BSPH1: variants seen among roughly 807,000 people sequenced by gnomAD.
The protein encoded by BSPH1 is binder of sperm protein homolog 1.
In BSPH1, 21 loss-of-function variants were observed where a neutral mutation model predicts 22.5. The ratio of observed to expected loss-of-function variants is 0.93; its 90% CI spans 0.66 to 1.35. BSPH1 has a LOEUF of 1.35. BSPH1 is among the 40% of genes most tolerant of loss of function. BSPH1 has a pLI of 0.00. For synonymous variants in BSPH1, 42 were observed against 53.6 expected, an observed-to-expected ratio of 0.78 and a Z score of 0.95; for missense variants, 141 against 154.2, an observed-to-expected ratio of 0.91 and a Z score of 0.45.
intron 1 of BSPH1, among the ~76,000 whole-genome samples, chr19:47,983,961 C>T (rs1297249898): frequency 6.6e-6 from 1 of 151,506 alleles, no homozygotes. Context: ...CTCTGCCTCC[C>T]AAGTAGCTGG....
intron 1 of BSPH1, among the ~76,000 whole-genome samples, chr19:47,988,543 T>TG (rs754556675): frequency 1.3e-5 from 2 of 152,162 alleles, no homozygotes; most frequent in Non-Finnish European, 2.9e-5. Flanking sequence ...CTTCAGTTCT[T>TG]GGTGAGTGGG....
intron 1 of BSPH1, among the ~76,000 whole-genome samples, chr19:47,981,203 ATTTAC>A (rs1468507838): frequency 6.6e-6 from 1 of 152,152 alleles, no homozygotes; most frequent in African/African-American, 2.4e-5. Flanking sequence ...AAAGGAAATG[ATTTAC>A]TTTTCTCACA....
chr19:47,975,609 T>G (rs905560082), intron 5 of BSPH1, among the ~76,000 whole-genome samples: 9 of 151,982 alleles, frequency 5.9e-5, no homozygotes, highest in Middle Eastern at 3.4e-3. Flanking sequence ...CAGTTATCAC[T>G]TTTTTTCTGT....
chr19:47,989,115 T>A (rs1286069712), intron 1 of BSPH1, among the ~76,000 whole-genome samples: 1 of 47,892 alleles, frequency 2.1e-5, no homozygotes, highest in Non-Finnish European at 3.5e-5. Flanking sequence ...ACCGTTTTAT[T>A]ATTATTATTA....
intron 1 of BSPH1, among the ~76,000 whole-genome samples, chr19:47,986,571 T>A (rs917672664): frequency 6.6e-6 from 1 of 151,812 alleles, no homozygotes; most frequent in African/African-American, 2.4e-5. Context: ...AGACCCCATC[T>A]CTGCAATAAA....
intron 5 of BSPH1, 58 bp downstream of exon 5, chr19:47,976,652 G>A (rs1379689533): frequency 5.0e-6 from 7 of 1,400,736 alleles, no homozygotes; most frequent in Non-Finnish European, 6.8e-6. Context: ...AAAAACTCTA[G>A]GTTCTTTCCA....
intron 1 of BSPH1, among the ~76,000 whole-genome samples, chr19:47,987,657 G>T (rs1200077681): frequency 6.6e-6 from 1 of 152,112 alleles, no homozygotes. Context: ...CATGGCCAGA[G>T]CTTGTCTTTA....
At chr19:47,984,138 T>C (rs1015467809) in intron 1 of BSPH1, among the ~76,000 whole-genome samples, 1 of 104,464 alleles carries the variant, frequency 9.6e-6, no homozygotes. Context: ...TAAGCCACCA[T>C]GCCTGGCTTG....
In BSPH1 at chr19:47,976,745, A is replaced by G. The variant is rs373092090; in HGVS notation, c.366T>C (p.Phe122=). 3.4e-5 allele frequency: 52 copies of G among 1,551,734 alleles called. No homozygotes were observed. Among genetic ancestry groups the G allele is most frequent in the Non-Finnish European group, 4.5e-5 (52 of 1,146,978 alleles). The change falls in exon 5 of 6, where the codon TTT becomes TTC. Residue 122 remains phenylalanine (F), a synonymous_variant. Transcript: ENST00000344839. The part of the protein sequence containing the change: ...GKKWCSLTKN[F]NKDRIWKYCE ...AGTATTTCCAAATTCGGTCCTTGTT[A>G]AAATTCTTGGTCAGTGAACACCATT...
At chr19:47,970,601 T>G (rs1969303171) in intron 5 of BSPH1, among the ~76,000 whole-genome samples, 1 of 152,188 alleles carries the variant, frequency 6.6e-6, no homozygotes, top group East Asian at 1.9e-4. Context: ...GTTGGCTAGA[T>G]TGACTTGCAT....
At chr19:47,972,691 G>A (rs907881770) in intron 5 of BSPH1, among the ~76,000 whole-genome samples, 6 of 152,130 alleles carry the variant, frequency 3.9e-5, no homozygotes, top group Admixed American at 3.3e-4. Context: ...TACCTCGGAT[G>A]TGTGGAATTA....
At chr19:47,969,562 A>ATAT (rs1969289816) in intron 5 of BSPH1, among the ~76,000 whole-genome samples, 1 of 152,144 alleles carries the variant, frequency 6.6e-6, no homozygotes, top group South Asian at 2.1e-4. Flanking sequence ...AGAAAAATGT[A>ATAT]ATATAAGGAT....
At position 47,978,029 on chromosome 19, in the gene BSPH1, TAG is replaced by T. The variant is rs1555731508; in HGVS notation, c.125-527_125-526del. Among the ~76,000 whole-genome samples, 729 of 144,678 alleles carry T rather than the reference TAG, an allele frequency of 5.0e-3. 9 individuals are homozygous for T. Among genetic ancestry groups the T allele is most frequent in the African/African-American group, 0.015 (584 of 39,392 alleles). 94.9% of individuals were successfully genotyped at this position (144,678 alleles called of 152,430 possible). A position where few individuals can be genotyped will look rare whatever the true frequency, so the allele number is the denominator to read the frequency against. On this transcript the variant is annotated intron_variant, in intron 3 of 5. Coordinates refer to ENST00000344839, the MANE Select transcript of BSPH1 (RefSeq NM_001128326.2). ...ATATATATATATATATATATATATA[TAG>T]TTATAGGTGCATACACACATACAGG...
intron 1 of BSPH1, among the ~76,000 whole-genome samples, chr19:47,986,126 T>G (rs1022145289): frequency 6.6e-6 from 1 of 152,178 alleles, no homozygotes; most frequent in African/African-American, 2.4e-5. Flanking sequence ...TCGTGGGGAA[T>G]TGCTGTAGCC....
intron 4 of BSPH1, 73 bp from the exon 5 acceptor site, chr19:47,976,927 A>G: frequency 7.4e-7 from 1 of 1,350,464 alleles, no homozygotes; most frequent in South Asian, 1.3e-5. Context: ...CACACCATGC[A>G]CACACATGCA....
At position 47,976,780 on chromosome 19, in the gene BSPH1, A is replaced by G; in HGVS notation, c.331T>C (p.Phe111Leu). 1 of 1,551,504 alleles carries G rather than the reference A, an allele frequency of 6.4e-7. No homozygotes were observed. The highest frequency in any genetic ancestry group is 2.4e-5 in the East Asian group (1 of 40,908). Residue 111 changes from phenylalanine (F) to leucine (L), a missense_variant, in exon 5 of 6, where the codon TTT becomes CTT. Physicochemically the swap from Phe to Leu is conservative, Grantham distance 22. Coordinates refer to ENST00000344839, the MANE Select transcript of BSPH1 (RefSeq NM_001128326.2). ...GTCAGTGAACACCATTTTTTCCCAA[A>G]TGCTTCCCCATCATCAGTACACTCC... is the stretch of plus-strand genomic sequence containing the variant. Reference protein sequence around the residue: ...YWECTDDGEAFGKKWCSLTKN... With the variant: ...YWECTDDGEALGKKWCSLTKN...
chr19:47,976,956 C>A, intron 4 of BSPH1, 102 bp from the exon 5 acceptor site: 3 of 1,147,594 alleles, frequency 2.6e-6, no homozygotes, highest in Admixed American at 2.4e-5. Flanking sequence ...CACACATGTG[C>A]ATGCACGTGA....
intron 1 of BSPH1, among the ~76,000 whole-genome samples, chr19:47,983,931 G>A (rs1295759337): frequency 6.6e-6 from 1 of 151,204 alleles, no homozygotes; most frequent in Non-Finnish European, 1.5e-5. Flanking sequence ...CTGCCTCCTG[G>A]GTTCCAGGGA....
intron 3 of BSPH1, among the ~76,000 whole-genome samples, chr19:47,978,069 AT>A: frequency 7.0e-6 from 1 of 141,982 alleles, no homozygotes; most frequent in East Asian, 2.0e-4. Context: ...CACATACATA[AT>A]TTTTTGCTAC....
Sources: allele counts gnomAD v4.1 joint callset (sites outside exome capture counted in the v4.1 genomes callset), GRCh38; gene constraint gnomAD v4.1.1; transcripts MANE v1.5; gene names NCBI Gene and HGNC (gene_info 2026-07-23, HGNC 2026-07-21).